The following PKNOX2 variants were observed in gnomAD, a reference collection of about 807,000 sequenced individuals.
PKNOX2 encodes homeobox protein PKNOX2.
PKNOX2 carries 14 observed loss-of-function variants against 53.1 expected under a neutral mutation model. The ratio of observed to expected loss-of-function variants is 0.26; its 90% CI spans 0.17 to 0.41. The LOEUF (loss-of-function observed/expected upper bound fraction) is 0.41. Among genes scored for constraint, PKNOX2 ranks in the 10% least tolerant of loss-of-function variants. PKNOX2 has a pLI of 1.00. For missense variants in PKNOX2, 496 were observed against 602.8 expected, an observed-to-expected ratio of 0.82 and a Z score of 1.85; for synonymous variants, 257 against 242.8, an observed-to-expected ratio of 1.06 and a Z score of -0.54.
At chr11:125,349,842 C>T (rs1221753289) in intron 3 of PKNOX2, among the ~76,000 whole-genome samples, 1 of 130,172 alleles carries the variant, frequency 7.7e-6, no homozygotes, top group Non-Finnish European at 1.5e-5. Context: ...AAGAATCACA[C>T]ACACACACAC....
At chr11:125,199,617 G>A (rs1792271880) in intron 1 of PKNOX2, among the ~76,000 whole-genome samples, 1 of 152,208 alleles carries the variant, frequency 6.6e-6, no homozygotes, top group African/African-American at 2.4e-5. Flanking sequence ...GCCAAGGCCG[G>A]TGGATCACTT....
rs1951359375 is a variant in PKNOX2, at chr11:125,352,128, A to G, written c.87+736A>G. On this transcript the variant is annotated intron_variant, in intron 4 of 12. Transcript: ENST00000298282. This position sits in a 1 kb window ranked among gnomAD's most constrained non-coding sequence, Gnocchi z 4.1. The stretch of plus-strand genomic sequence containing the variant: ...CCCAGCTTGTGGGGGCTGCCCTCCT[A>G]CATCCTTTAGACCAGCCGCTTTTCC... Among the ~76,000 whole-genome samples, 1 of 151,800 alleles carries G rather than the reference A, an allele frequency of 6.6e-6. No individual in the cohort carries two copies. Among genetic ancestry groups the G allele is most frequent in the Admixed American group, 6.6e-5 (1 of 15,258 alleles).
At chr11:125,213,616 C>A (rs1037685706) in intron 1 of PKNOX2, among the ~76,000 whole-genome samples, 1 of 152,032 alleles carries the variant, frequency 6.6e-6, no homozygotes, top group Non-Finnish European at 1.5e-5. Flanking sequence ...TGCCACCACA[C>A]CCAGCTAATT....
rs999947084 is a variant in PKNOX2, at chr11:125,398,021, C to A, written c.547C>A (p.Pro183Thr). The change falls in exon 7 of 13, where the codon CCC (proline) becomes ACC (threonine). Residue 183 changes from proline to threonine, a missense_variant. Pro to Thr is a conservative substitution (Grantham distance 38). Around this residue, in one of 5 missense-constraint regions of PKNOX2, gnomAD observed 141 missense variants for 143.9 expected, o/e 0.98. Coordinates refer to ENST00000298282, the MANE Select transcript of PKNOX2 (RefSeq NM_001382323.2). ...DNLLRNDLGGPYSPNQPSINL... is the reference protein window; with the variant it reads ...DNLLRNDLGGTYSPNQPSINL... Reference sequence around the variant, plus strand: ...CCTGCTCAGGAATGATCTAGGGGGGCCCTACTCCCCCAACCAGCCCTCCAT... The same window carrying A: ...CCTGCTCAGGAATGATCTAGGGGGGACCTACTCCCCCAACCAGCCCTCCAT... The A allele has an allele frequency of 1.2e-6, 2 of 1,613,352 alleles. No individual in the cohort carries two copies. The highest frequency in any genetic ancestry group is 1.7e-6 in the Non-Finnish European group (2 of 1,179,640).
At chr11:125,268,761 T>A (rs967378963) in intron 2 of PKNOX2, among the ~76,000 whole-genome samples, 3 of 152,114 alleles carry the variant, frequency 2.0e-5, no homozygotes, top group Non-Finnish European at 4.4e-5. Context: ...CCTGTGCCTG[T>A]GAGATCTGGG....
chr11:125,203,739 C>T (rs928729825), intron 1 of PKNOX2, among the ~76,000 whole-genome samples: 4 of 152,166 alleles, frequency 2.6e-5, no homozygotes, highest in African/African-American at 9.7e-5. Context: ...AGCAAAATGC[C>T]TGGAGTCCTG....
chr11:125,297,722 A>G (rs1256494946), intron 2 of PKNOX2, among the ~76,000 whole-genome samples: 1 of 152,084 alleles, frequency 6.6e-6, no homozygotes, highest in Non-Finnish European at 1.5e-5. Context: ...TGCATGCATT[A>G]TGCTATTTCC....
chr11:125,387,226 C>T (rs1953699075), intron 6 of PKNOX2, among the ~76,000 whole-genome samples: 1 of 152,160 alleles, frequency 6.6e-6, no homozygotes, highest in African/African-American at 2.4e-5. Flanking sequence ...AGCCAGGGGG[C>T]CAGGAGATGC....
intron 1 of PKNOX2, among the ~76,000 whole-genome samples, chr11:125,195,755 T>C (rs144912677): frequency 6.6e-6 from 1 of 152,160 alleles, no homozygotes; most frequent in Non-Finnish European, 1.5e-5. Context: ...CATCGGCAGA[T>C]GGCAATGCCT....
At chr11:125,196,780 A>G (rs1282797534) in intron 1 of PKNOX2, among the ~76,000 whole-genome samples, 1 of 152,228 alleles carries the variant, frequency 6.6e-6, no homozygotes, top group Non-Finnish European at 1.5e-5. Flanking sequence ...GTATTGGTAG[A>G]GAACCACAGC....
At chr11:125,188,134 G>C (rs543847951) in intron 1 of PKNOX2, 14 of 152,352 alleles carry the variant, frequency 9.2e-5, no homozygotes, top group African/African-American at 3.4e-4. Flanking sequence ...TGAATGCTAA[G>C]AGAGTGAGGT....
At chr11:125,222,715 ATG>A (rs541803532) in intron 1 of PKNOX2, among the ~76,000 whole-genome samples, 14 of 124,266 alleles carry the variant, frequency 1.1e-4, no homozygotes, top group Middle Eastern at 6.3e-3. Context: ...TGTGCTGTGT[ATG>A]TGTGTGTGTA....
intron 4 of PKNOX2, among the ~76,000 whole-genome samples, chr11:125,359,236 A>T (rs1295317090): frequency 1.3e-5 from 2 of 150,052 alleles, no homozygotes; most frequent in African/African-American, 5.0e-5. Context: ...AAGGCTGCGG[A>T]TCCGTGAGCA....
At chr11:125,395,683 T>C (rs1278246941) in intron 6 of PKNOX2, among the ~76,000 whole-genome samples, 1 of 152,226 alleles carries the variant, frequency 6.6e-6, no homozygotes, top group African/African-American at 2.4e-5. Context: ...CTAATGACAT[T>C]GAATATCTTC....
chr11:125,412,575 A>G (rs1243336704), intron 10 of PKNOX2, among the ~76,000 whole-genome samples: 1 of 152,168 alleles, frequency 6.6e-6, no homozygotes, highest in African/African-American at 2.4e-5. Context: ...CAATCTCCCA[A>G]CACCACTTTC....
In PKNOX2 at chr11:125,422,338, GGTT is replaced by G. The variant is rs1367242882; in HGVS notation, c.937-6673_937-6671del. Among the ~76,000 whole-genome samples the G allele has an allele frequency of 1.3e-5, 2 of 152,100 alleles. No homozygotes were observed. The highest frequency in any genetic ancestry group is 2.9e-5 in the Non-Finnish European group (2 of 68,004). ...AGGAGGTCAGGCCAGCTGGGTTCTT[GGTT>G]ACATTTCTCTCTTTGTCCCAGAGAA... On this transcript the variant is annotated intron_variant, in intron 10 of 12. Transcript: ENST00000298282. The surrounding 1 kb of genome is among the most constrained non-coding windows in gnomAD (Gnocchi z 4.1).
intron 1 of PKNOX2, among the ~76,000 whole-genome samples, chr11:125,189,413 A>ATGTGTGTG (rs776327891): frequency 3.1e-5 from 2 of 65,158 alleles, no homozygotes; most frequent in African/African-American, 1.1e-4. Context: ...GTATATATAT[A>ATGTGTGTG]TGTGTGTGTG....
At chr11:125,173,697 G>A (rs1193650461) in intron 1 of PKNOX2, among the ~76,000 whole-genome samples, 2 of 152,252 alleles carry the variant, frequency 1.3e-5, no homozygotes, top group African/African-American at 4.8e-5. Context: ...AGGAGCAGGG[G>A]ATATCTCATG....
rs199784530 is a variant in PKNOX2 at position 125,367,908 on chromosome 11, T to G, written c.150T>G (p.Ala50=). The part of the protein sequence containing the change: ...AQAVHISAPS[A]AASTPVPSAP... ...CTGTCCACATCTCTGCCCCCTCAGC[T>G]GCTGCCAGCACACCTGTGCCCAGTG... Residue 50 remains alanine, a synonymous_variant, in exon 5 of 13, where the codon GCT becomes GCG. Coordinates refer to ENST00000298282, the MANE Select transcript of PKNOX2 (RefSeq NM_001382323.2). 2 of 1,613,758 alleles carry G rather than the reference T, an allele frequency of 1.2e-6. No homozygotes were observed. Among genetic ancestry groups the G allele is most frequent in the Non-Finnish European group, 1.7e-6 (2 of 1,179,918 alleles).
Sources: allele counts gnomAD v4.1 joint callset (sites outside exome capture counted in the v4.1 genomes callset), GRCh38; gene constraint gnomAD v4.1.1; regional missense constraint gnomAD v4.1.1; non-coding constraint Gnocchi (gnomAD v3.1); transcripts MANE v1.5; gene names NCBI Gene and HGNC (gene_info 2026-07-23, HGNC 2026-07-21).